The following DOCK9 variants were observed in gnomAD, a reference collection of about 807,000 sequenced individuals.
DOCK9 encodes the protein dedicator of cytokinesis protein 9.
Under a neutral mutation model 263.3 loss-of-function variants are expected in DOCK9, and 89 were observed. The ratio of observed to expected loss-of-function variants is 0.34; its 90% CI spans 0.28 to 0.40. DOCK9 has a LOEUF of 0.40. Ranked by LOEUF, DOCK9 falls within the 10% of genes least tolerant of loss-of-function variation. The pLI is 1.00. For synonymous variants in DOCK9, 976 were observed against 973.1 expected (o/e 1.00, Z -0.06); for missense variants, 2,140 against 2,603.4 (o/e 0.82, Z 3.87).
At chr13:98,938,328 A>G (rs1461382323) in intron 2 of DOCK9, among the ~76,000 whole-genome samples, 3 of 152,208 alleles carry the variant, frequency 2.0e-5, no homozygotes, top group African/African-American at 7.2e-5. Context: ...GCCTCTAATT[A>G]GCTGTGCAGT....
At chr13:99,068,619 C>G (rs1395281062) in intron 1 of DOCK9, among the ~76,000 whole-genome samples, 1 of 151,956 alleles carries the variant, frequency 6.6e-6, no homozygotes, top group African/African-American at 2.4e-5. Flanking sequence ...ATACCTCAAT[C>G]AGTTTTTCAC....
intron 1 of DOCK9, among the ~76,000 whole-genome samples, chr13:99,032,712 G>A (rs962578741): frequency 2.6e-5 from 4 of 152,050 alleles, no homozygotes; most frequent in Middle Eastern, 3.4e-3. Context: ...CAGAGTTGGT[G>A]TTTTGTAGCT....
chr13:98,888,143 T>TA lies in DOCK9; in HGVS notation c.2043+14dup, dbSNP rs747598066. ...TCAGAATTCGTAGGTGAACATATAT[T>TA]AAAAAAAAACAAACCTTAAGGGGCT... On this transcript the variant is annotated intron_variant, in intron 18 of 52. Transcript: ENST00000682017. 614 of 1,491,988 alleles carry TA rather than the reference T, an allele frequency of 4.1e-4. No individual in the cohort carries two copies. Among genetic ancestry groups the TA allele is most frequent in the Middle Eastern group, 8.9e-4 (5 of 5,646 alleles). 92.4% of individuals were successfully genotyped at this position (1,491,988 alleles called of 1,614,324 possible).
Position 98,860,435 on chromosome 13 carries a change from T to C in DOCK9, c.3667A>G (p.Lys1223Glu), listed in dbSNP as rs1180585924. The C allele has an allele frequency of 6.3e-7, 1 of 1,593,204 alleles. No individual in the cohort carries two copies. Among genetic ancestry groups the C allele is most frequent in the Non-Finnish European group, 8.6e-7 (1 of 1,168,916 alleles). The change falls in exon 33 of 53, where the codon AAG becomes GAG. Residue 1223 changes from lysine (K) to glutamate (E), a missense_variant. Physicochemically the swap from Lys to Glu is moderately conservative, Grantham distance 56. Transcript: ENST00000682017. ...CCGGAGATGGCGCCCAGCAGGTCCTTGTGCAGGCTGTTGTCCAGGGTGCTT... is the reference window on the plus strand; with the variant it reads ...CCGGAGATGGCGCCCAGCAGGTCCTCGTGCAGGCTGTTGTCCAGGGTGCTT... ...KGSTLDNSLH[K>E]DLLGAISGIA...
Position 98,805,178 on chromosome 13 carries a change from G to A in DOCK9, c.5546C>T (p.Ala1849Val). 6.2e-7 allele frequency: 1 copy of A among 1,603,338 alleles called. No homozygotes were observed. The highest frequency in any genetic ancestry group is 8.5e-7 in the Non-Finnish European group (1 of 1,173,926). The change falls in exon 49 of 53, where the codon GCA becomes GTA. Residue 1849 changes from alanine (A) to valine (V), a missense_variant. This residue lies in a region of DOCK9 where 619 missense variants were observed against 861.8 expected (regional missense o/e 0.72). Coordinates refer to ENST00000682017, the MANE Select transcript of DOCK9 (RefSeq NM_001366683.2). ...VNPKDLDSKY[A>V]YIQVTHVIPF... ...GATGACGTGAGTCACCTGGATGTAT[G>A]CATACTTAGAATCCAGATCCTTAGG...
intron 1 of DOCK9, 38 bp from the exon 2 acceptor site, chr13:98,955,589 C>A (rs1157082841): frequency 1.5e-6 from 2 of 1,372,090 alleles, no homozygotes; most frequent in East Asian, 4.9e-5. Context: ...TTCTCATACA[C>A]AAATGCCATT....
At chr13:98,915,264 C>T in intron 8 of DOCK9, 65 bp downstream of exon 8, 1 of 1,527,524 alleles carries the variant, frequency 6.5e-7, no homozygotes, top group Non-Finnish European at 8.8e-7. Flanking sequence ...TTCTTATACC[C>T]ACCTGGCAAA....
chr13:98,970,341 T>C (rs984522), intron 1 of DOCK9, among the ~76,000 whole-genome samples: 81,929 of 151,976 alleles, frequency 0.54, 22,315 homozygotes, highest in East Asian at 0.76. Flanking sequence ...CAATGCAGCA[T>C]GGCTCAGTGT....
At chr13:98,832,104 T>C (rs1164796721) in intron 39 of DOCK9, 1 of 253,310 alleles carries the variant, frequency 3.9e-6, no homozygotes, top group Non-Finnish European at 7.5e-6. Flanking sequence ...AGAGGTGCCA[T>C]TTGTGACATC....
chr13:98,806,309 G>A (rs1473149896), intron 48 of DOCK9, among the ~76,000 whole-genome samples: 3 of 152,196 alleles, frequency 2.0e-5, no homozygotes, highest in African/African-American at 4.8e-5. Flanking sequence ...AGAATTGGTG[G>A]TACTTTCATT....
intron 45 of DOCK9, among the ~76,000 whole-genome samples, chr13:98,811,539 T>G (rs2091299352): frequency 6.6e-6 from 1 of 152,220 alleles, no homozygotes; most frequent in South Asian, 2.1e-4. Flanking sequence ...GTCTCCCAAG[T>G]AGCTGGGATT....
upstream of DOCK9, among the ~76,000 whole-genome samples, chr13:98,981,383 C>T (rs1877165240): frequency 1.3e-5 from 2 of 152,068 alleles, no homozygotes; most frequent in Non-Finnish European, 2.9e-5. Context: ...TTTTTAAATG[C>T]CTCACACACA....
At chr13:98,801,687 A>G (rs565655118) in intron 49 of DOCK9, among the ~76,000 whole-genome samples, 9 of 152,160 alleles carry the variant, frequency 5.9e-5, no homozygotes, top group Non-Finnish European at 1.3e-4. Context: ...ATGTACTTAA[A>G]AGCTTATTAT....
At chr13:98,869,167 G>T (rs951261220) in intron 27 of DOCK9, among the ~76,000 whole-genome samples, 1 of 152,196 alleles carries the variant, frequency 6.6e-6, no homozygotes, top group Non-Finnish European at 1.5e-5. Flanking sequence ...CTTGGCAGCA[G>T]TCTTCTCACA....
chr13:98,888,432 G>A lies in DOCK9; in HGVS notation c.1905C>T (p.Tyr635=). Residue 635 remains tyrosine, a synonymous_variant, in exon 17 of 53, where the codon TAC becomes TAT. Coordinates refer to ENST00000682017, the MANE Select transcript of DOCK9 (RefSeq NM_001366683.2). ...VPCIPKHTQP[Y]TIYTNHLYVY... ...CGTAAAGGTGATTGGTGTAGATGGT[G>A]TAAGGCTGAGTGTGTTTTGGTATGC... 2 of 1,614,008 alleles carry A rather than the reference G, an allele frequency of 1.2e-6. No individual in the cohort carries two copies. Among genetic ancestry groups the A allele is most frequent in the African/African-American group, 1.3e-5 (1 of 75,062 alleles).
chr13:98,888,140 TA>T lies in DOCK9; in HGVS notation c.2043+17del, dbSNP rs1555384731. The T allele has an allele frequency of 6.5e-7, 1 of 1,537,460 alleles. No individual in the cohort carries two copies. Among genetic ancestry groups the T allele is most frequent in the East Asian group, 2.3e-5 (1 of 44,074 alleles). ...AAATCAGAATTCGTAGGTGAACATATATTAAAAAAAAACAAACCTTAAGGGG... is the reference window on the plus strand; with the variant it reads ...AAATCAGAATTCGTAGGTGAACATATTTAAAAAAAAACAAACCTTAAGGGG... On this transcript the variant is annotated intron_variant, in intron 18 of 52. Transcript: ENST00000682017.
chr13:98,803,303 G>T (rs2090328628), intron 49 of DOCK9, among the ~76,000 whole-genome samples: 1 of 152,220 alleles, frequency 6.6e-6, no homozygotes, highest in African/African-American at 2.4e-5. Context: ...TGTGCCCTGG[G>T]AAAACAGCCT....
chr13:98,991,905 C>G (rs1879904214), intron 1 of DOCK9, among the ~76,000 whole-genome samples: 1 of 152,064 alleles, frequency 6.6e-6, no homozygotes, highest in Non-Finnish European at 1.5e-5. Flanking sequence ...CTTGATGATC[C>G]TTGCTTTCTC....
rs187383509 is a variant in DOCK9 at position 98,793,790 on chromosome 13, C to T, written c.*836G>A. 4 of 152,468 alleles carry T rather than the reference C, an allele frequency of 2.6e-5. No homozygotes were observed. The highest frequency in any genetic ancestry group is 6.6e-5 in the Admixed American group (1 of 15,266). The allele number at this position is 152,468 out of a possible 1,614,324, so 9.4% of individuals were successfully genotyped here. ...TCTCCATATTGCACATTTTTATGTA[C>T]AAGAATAAAACATTAAAGTGTATTG... On this transcript the variant is annotated 3_prime_UTR_variant, in exon 53 of 53. Coordinates refer to ENST00000682017, the MANE Select transcript of DOCK9 (RefSeq NM_001366683.2).
Sources: allele counts gnomAD v4.1 joint callset (sites outside exome capture counted in the v4.1 genomes callset), GRCh38; gene constraint gnomAD v4.1.1; regional missense constraint gnomAD v4.1.1; transcripts MANE v1.5; gene names NCBI Gene and HGNC (gene_info 2026-07-23, HGNC 2026-07-21).